Variants in ADGRA3 observed in about 807,000 individuals in gnomAD.
ADGRA3 encodes adhesion G protein-coupled receptor A3.
In ADGRA3, 56 loss-of-function variants were observed where a neutral mutation model predicts 119.8. That is an observed-to-expected ratio of 0.47 (90% CI 0.38 to 0.58). The LOEUF is 0.58. ADGRA3 is among the 20% of genes least tolerant of loss of function. The probability of loss-of-function intolerance (pLI) is 0.00; values close to 1 mark genes in which losing one functional copy is unlikely to be tolerated. For synonymous variants in ADGRA3, 607 were observed against 623.8 expected (o/e 0.97, Z 0.40); for missense variants, 1,516 against 1,649.0 (o/e 0.92, Z 1.40).
rs1359514451 is a variant in ADGRA3 at position 22,402,718 on chromosome 4, AGAG to A, written c.2311_2313del (p.Leu772del). The A allele has an allele frequency of 6.2e-7, 1 of 1,613,908 alleles. No individual in the cohort carries two copies. Among genetic ancestry groups the A allele is most frequent in the Non-Finnish European group, 8.5e-7 (1 of 1,179,836 alleles). Reference sequence around the variant, plus strand: ...CTGACAATGACGGCTAAGAGACATAAGAGGAGAATGATAGCGGTAGTATAAACC... The same window carrying A: ...CTGACAATGACGGCTAAGAGACATAAGAGAATGATAGCGGTAGTATAAACC... On this transcript the variant is annotated inframe_deletion, in exon 15 of 19. Coordinates refer to ENST00000334304, the MANE Select transcript of ADGRA3 (RefSeq NM_145290.4).
chr4:22,452,259 G>C (rs573062888), intron 4 of ADGRA3, among the ~76,000 whole-genome samples: 3 of 152,288 alleles, frequency 2.0e-5, no homozygotes, highest in South Asian at 4.1e-4. Flanking sequence ...CATGCATGAG[G>C]GGGTAGGAAG....
chr4:22,409,630 G>A (rs1017918814), intron 14 of ADGRA3, among the ~76,000 whole-genome samples: 47 of 152,176 alleles, frequency 3.1e-4, no homozygotes, highest in African/African-American at 1.1e-3. Context: ...CAGAGGAGTG[G>A]CTGACACATA....
chr4:22,488,411 T>C (rs1020912295), intron 1 of ADGRA3, among the ~76,000 whole-genome samples: 1 of 151,768 alleles, frequency 6.6e-6, no homozygotes, highest in African/African-American at 2.4e-5. Flanking sequence ...GACAAAATCT[T>C]AGGCTGTGGA....
chr4:22,454,460 C>A (rs2109091486), intron 4 of ADGRA3, among the ~76,000 whole-genome samples: 1 of 152,308 alleles, frequency 6.6e-6, no homozygotes, highest in Non-Finnish European at 1.5e-5. Flanking sequence ...TTCCCACCTT[C>A]ATGTATCATT....
intron 14 of ADGRA3, among the ~76,000 whole-genome samples, chr4:22,410,202 T>C: frequency 6.6e-6 from 1 of 152,332 alleles, no homozygotes; most frequent in East Asian, 1.9e-4. Context: ...GGAATCAATG[T>C]ATATAAATTA....
chr4:22,453,255 A>T (rs1463201525), intron 4 of ADGRA3, among the ~76,000 whole-genome samples: 1 of 151,990 alleles, frequency 6.6e-6, no homozygotes, highest in African/African-American at 2.4e-5. Flanking sequence ...TCAAGAAGAG[A>T]TTTTAAAAAG....
chr4:22,391,301 CT>C (rs1714126190), intron 17 of ADGRA3, among the ~76,000 whole-genome samples: 1 of 152,088 alleles, frequency 6.6e-6, no homozygotes, highest in Non-Finnish European at 1.5e-5. Flanking sequence ...CCCATTTCCC[CT>C]CTCCATGTCT....
chr4:22,420,506 T>C (rs1182095729), intron 12 of ADGRA3: 1 of 255,012 alleles, frequency 3.9e-6, no homozygotes, highest in Non-Finnish European at 7.3e-6. Context: ...CAAAGGCTCA[T>C]GATACTTTTA....
At chr4:22,421,528 C>T (rs80342866) in intron 11 of ADGRA3, among the ~76,000 whole-genome samples, 13,312 of 152,154 alleles carry the variant, frequency 0.087, 659 homozygotes, top group South Asian at 0.11. Context: ...CACATCTGGC[C>T]ATATTTACCT....
intron 10 of ADGRA3, among the ~76,000 whole-genome samples, chr4:22,433,349 A>G (rs1411182580): frequency 3.9e-5 from 6 of 152,240 alleles, no homozygotes; most frequent in African/African-American, 1.4e-4. Flanking sequence ...GTTATATTTC[A>G]TAACCTAATA....
At chr4:22,422,358 C>A (rs950852893) in intron 11 of ADGRA3, among the ~76,000 whole-genome samples, 1 of 152,148 alleles carries the variant, frequency 6.6e-6, no homozygotes, top group African/African-American at 2.4e-5. Flanking sequence ...AAGTCTTATG[C>A]ATGTGAGAGA....
intron 1 of ADGRA3, among the ~76,000 whole-genome samples, chr4:22,490,757 CAAAGAAGGGGAA>C: frequency 6.6e-6 from 1 of 152,186 alleles, no homozygotes; most frequent in South Asian, 2.1e-4. Context: ...AAAGGGCAGA[CAAAGAAGGGGAA>C]AATCATTTAA....
chr4:22,453,014 T>C (rs1243315555), intron 4 of ADGRA3, among the ~76,000 whole-genome samples: 1 of 150,886 alleles, frequency 6.6e-6, no homozygotes, highest in East Asian at 2.0e-4. Context: ...CTGGCCAAGA[T>C]GGCAAAACCC....
intron 10 of ADGRA3, among the ~76,000 whole-genome samples, chr4:22,425,510 T>C (rs778831854): frequency 1.3e-5 from 2 of 152,146 alleles, no homozygotes; most frequent in Non-Finnish European, 2.9e-5. Flanking sequence ...GATTTTGTAT[T>C]GAGCAAAACG....
At chr4:22,508,436 T>G (rs1404217588) in intron 1 of ADGRA3, among the ~76,000 whole-genome samples, 1 of 152,220 alleles carries the variant, frequency 6.6e-6, no homozygotes. Flanking sequence ...TGTCTTATTT[T>G]AACCCTGAAA....
chr4:22,388,399 T>A lies in ADGRA3; in HGVS notation c.3272A>T (p.Asn1091Ile). The A allele has an allele frequency of 6.2e-7, 1 of 1,614,090 alleles. No individual in the cohort carries two copies. Among genetic ancestry groups the A allele is most frequent in the Non-Finnish European group, 8.5e-7 (1 of 1,180,004 alleles). Residue 1091 changes from asparagine to isoleucine, a missense_variant, in exon 19 of 19, where the codon AAT becomes ATT. Asn to Ile is a moderately radical substitution (Grantham distance 149). Coordinates refer to ENST00000334304, the MANE Select transcript of ADGRA3 (RefSeq NM_145290.4). ...TGTGCATGAAGACTCCGCACTGCTA[T>A]TGGGGCATTTGGGTGCCTCTCCATT... ...GTNGEAPKCPNSSAESSCTNK... is the reference protein window; with the variant it reads ...GTNGEAPKCPISSAESSCTNK...
At position 22,421,089 on chromosome 4, in the gene ADGRA3, A is replaced by G. The variant is rs147996007; in HGVS notation, c.1606T>C (p.Tyr536His). 3.7e-6 allele frequency: 6 copies of G among 1,612,212 alleles called. No individual in the cohort carries two copies. The African/African-American group carries it at 6.7e-5, about 18-fold the overall frequency. ...GCTTCCAGAGCAATATTGGGTGAAT[A>G]CTTGAAAAGTCAATCAAACAGGAGT... The part of the protein sequence containing the change: ...LAGGAHVYST[Y>H]SPNIALEAYV... Residue 536 changes from tyrosine to histidine, a missense_variant and splice_region_variant, in exon 12 of 19, where the codon TAT becomes CAT. Transcript: ENST00000334304.
intron 1 of ADGRA3, among the ~76,000 whole-genome samples, chr4:22,503,812 G>A (rs1167138076): frequency 3.3e-5 from 5 of 152,182 alleles, no homozygotes; most frequent in Non-Finnish European, 7.3e-5. Context: ...TGGGGAGAGG[G>A]CAGAGAATGG....
intron 18 of ADGRA3, 44 bp downstream of exon 18, chr4:22,389,044 G>C: frequency 6.3e-7 from 1 of 1,598,894 alleles, no homozygotes. Flanking sequence ...ATACTTAAAA[G>C]AGAAACAACT....
Sources: gnomAD v4.1 joint callset for allele counts (sites outside exome capture counted in the v4.1 genomes callset) on GRCh38, gnomAD v4.1.1 for gene constraint, MANE v1.5 for transcripts, NCBI Gene and HGNC (gene_info 2026-07-23, HGNC 2026-07-21) for gene names.